PATL2: variants seen among roughly 807,000 people sequenced by gnomAD.
The protein encoded by PATL2 is protein PAT1 homolog 2.
PATL2 carries 73 observed loss-of-function variants against 77.0 expected under a neutral mutation model. That is an observed-to-expected ratio of 0.95 (90% CI 0.78 to 1.15). The LOEUF is 1.15. PATL2 is among the 50% of genes most tolerant of loss of function. The pLI is 0.00. For missense variants in PATL2, 618 were observed against 655.4 expected, an observed-to-expected ratio of 0.94 and a Z score of 0.62; for synonymous variants, 265 against 257.1, an observed-to-expected ratio of 1.03 and a Z score of -0.29.
At position 44,667,105 on chromosome 15, in the gene PATL2, C is replaced by T; in HGVS notation, c.1463+1G>A. The stretch of plus-strand genomic sequence containing the variant: ...TATTTACAAGGCCTTTATGATCTTA[C>T]CAAGCTGTATGGTCACTGTTGGGTT... On this transcript the variant is annotated splice_donor_variant, in intron 16 of 17. Transcript: ENST00000682850. LOFTEE classifies it high-confidence loss of function. The T allele has an allele frequency of 6.5e-7, 1 of 1,549,890 alleles. No homozygotes were observed. The highest frequency in any genetic ancestry group is 8.7e-7 in the Non-Finnish European group (1 of 1,145,384).
At position 44,711,223 on chromosome 15, in the gene PATL2, G is replaced by A. The variant is rs1202530820; in HGVS notation, c.-457C>T. The A allele has an allele frequency of 7.7e-6, 4 of 522,786 alleles. No homozygotes were observed. Among genetic ancestry groups the A allele is most frequent in the Non-Finnish European group, 1.4e-5 (4 of 287,484 alleles). The allele number at this position is 522,786 out of a possible 1,614,324, so 32.4% of individuals were successfully genotyped here. Reference sequence around the variant, plus strand: ...TGGGGCCAGTCTGCAAAGCGAGGGGGCAGCCTTAATGTGCCTCCAGCCTGA... The same window carrying A: ...TGGGGCCAGTCTGCAAAGCGAGGGGACAGCCTTAATGTGCCTCCAGCCTGA... On this transcript the variant is annotated 5_prime_UTR_variant, in exon 1 of 18. Transcript: ENST00000682850.
intron 4 of PATL2, 149 bp from the exon 5 acceptor site, chr15:44,675,840 C>T (rs1224171471): frequency 1.5e-6 from 1 of 673,562 alleles, no homozygotes; most frequent in Non-Finnish European, 2.4e-6. Context: ...GTGGGTTTAA[C>T]TCGGCCTCCC....
rs1595965173 is a variant in PATL2, at chr15:44,673,086, G to A, written c.446+149C>T. The A allele has an allele frequency of 5.5e-6, 6 of 1,095,950 alleles. No homozygotes were observed. In the East Asian group the frequency reaches 1.6e-4, roughly 29 times the overall value. 67.9% of individuals were successfully genotyped at this position (1,095,950 alleles called of 1,614,324 possible). On this transcript the variant is annotated intron_variant, in intron 7 of 17. Coordinates refer to ENST00000682850, the MANE Select transcript of PATL2 (RefSeq NM_001387263.1). ...TAAATAAATTTTTAATCTCCCTGGG[G>A]CTAATTTGTGAGGGAGACGGAATTA...
intron 3 of PATL2, among the ~76,000 whole-genome samples, chr15:44,677,297 G>A (rs190158172): frequency 6.6e-6 from 1 of 152,132 alleles, no homozygotes; most frequent in Non-Finnish European, 1.5e-5. Context: ...TCAGGGCAGC[G>A]TACTTGAAGC....
chr15:44,685,779 T>A (rs2086238934), intron 3 of PATL2, among the ~76,000 whole-genome samples: 1 of 151,982 alleles, frequency 6.6e-6, no homozygotes, highest in South Asian at 2.1e-4. Flanking sequence ...TAAAACAGAC[T>A]TTAAACCAAC....
chr15:44,710,806 ACT>A (rs2086843423), intron 2 of PATL2, among the ~76,000 whole-genome samples, 63 bp downstream of exon 2: 1 of 152,078 alleles, frequency 6.6e-6, no homozygotes, highest in Non-Finnish European at 1.5e-5. Flanking sequence ...TACTGCTTTT[ACT>A]ATTAGTGGTC....
intron 3 of PATL2, among the ~76,000 whole-genome samples, chr15:44,708,981 C>T (rs541279083): frequency 1.3e-5 from 2 of 152,182 alleles, no homozygotes; most frequent in Admixed American, 6.5e-5. Flanking sequence ...TCATTGCAAC[C>T]TCTGCCTCCC....
chr15:44,665,739 A>G lies in PATL2; in HGVS notation c.*214T>C. ...CAAGCAAGTTCCAACACATCATTCT[A>G]TTATCTCTTTAATTATACCTTATTA... On this transcript the variant is annotated 3_prime_UTR_variant, in exon 18 of 18. Coordinates refer to ENST00000682850, the MANE Select transcript of PATL2 (RefSeq NM_001387263.1). The G allele has an allele frequency of 1.5e-6, 2 of 1,377,186 alleles. No homozygotes were observed. Among genetic ancestry groups the G allele is most frequent in the Non-Finnish European group, 1.9e-6 (2 of 1,043,584 alleles). The allele number at this position is 1,377,186 out of a possible 1,614,324, so 85.3% of individuals were successfully genotyped here.
At position 44,693,026 on chromosome 15, in the gene PATL2, C is replaced by T. The variant is rs898155653; in HGVS notation, c.-75-16461G>A. ...TCCTCAGCTATGGAGCTGATGATAACCTGCCTCCAACATGAGTGTGCTCAG... is the reference window on the plus strand; with the variant it reads ...TCCTCAGCTATGGAGCTGATGATAATCTGCCTCCAACATGAGTGTGCTCAG... On this transcript the variant is annotated intron_variant, in intron 3 of 17. Transcript: ENST00000682850. Among the ~76,000 whole-genome samples the T allele has an allele frequency of 9.8e-5, 15 of 152,322 alleles. 1 individual carries two copies. The highest frequency in any genetic ancestry group is 7.8e-4 in the Admixed American group (12 of 15,302).
intron 3 of PATL2, among the ~76,000 whole-genome samples, chr15:44,693,659 T>C (rs1319783958): frequency 6.6e-6 from 1 of 152,214 alleles, no homozygotes; most frequent in East Asian, 1.9e-4. Context: ...CCACAAGGCA[T>C]GATATAGAGA....
chr15:44,676,619 G>T (rs898180056), intron 3 of PATL2, 54 bp from the exon 4 acceptor site: 2 of 1,451,490 alleles, frequency 1.4e-6, no homozygotes. Context: ...AGGATGACAT[G>T]GCACCCTAAA....
chr15:44,669,261 G>T lies in PATL2; in HGVS notation c.1064+19C>A, dbSNP rs2085540944. On this transcript the variant is annotated intron_variant, in intron 13 of 17. Coordinates refer to ENST00000682850, the MANE Select transcript of PATL2 (RefSeq NM_001387263.1). Reference sequence around the variant, plus strand: ...GCTCCTTCCCTTCCTGGGCTGAGGTGGAACCCTCCCACACTCACTCCAGGT... The same window carrying T: ...GCTCCTTCCCTTCCTGGGCTGAGGTTGAACCCTCCCACACTCACTCCAGGT... The T allele has an allele frequency of 1.3e-6, 2 of 1,540,592 alleles. No homozygotes were observed. The highest frequency in any genetic ancestry group is 2.7e-5 in the African/African-American group (2 of 72,786).
At chr15:44,687,017 C>A (rs1302412970) in intron 3 of PATL2, among the ~76,000 whole-genome samples, 2 of 152,126 alleles carry the variant, frequency 1.3e-5, no homozygotes, top group African/African-American at 4.8e-5. Flanking sequence ...CTATTCCAAA[C>A]AATAGAAAAA....
chr15:44,687,474 G>A (rs970671825), intron 3 of PATL2, among the ~76,000 whole-genome samples: 26 of 152,284 alleles, frequency 1.7e-4, no homozygotes, highest in Admixed American at 1.6e-3. Context: ...AAAACTGGAA[G>A]CATTCCCTTT....
chr15:44,685,194 G>A (rs926110620), intron 3 of PATL2, among the ~76,000 whole-genome samples: 1 of 152,078 alleles, frequency 6.6e-6, no homozygotes, highest in Admixed American at 6.6e-5. Flanking sequence ...GTCAACTAAC[G>A]GGCAAAATAA....
At chr15:44,709,829 A>C (rs1355830705) in intron 3 of PATL2, among the ~76,000 whole-genome samples, 1 of 152,190 alleles carries the variant, frequency 6.6e-6, no homozygotes, top group South Asian at 2.1e-4. Flanking sequence ...GTGATGTAGT[A>C]AACAAGAAAC....
chr15:44,676,166 G>A (rs1379773362), intron 4 of PATL2: 5 of 425,870 alleles, frequency 1.2e-5, no homozygotes, highest in Non-Finnish European at 2.2e-5. Context: ...TTGCCTCTTT[G>A]AACAAGTTCC....
At chr15:44,690,943 G>A (rs1272181417) in intron 3 of PATL2, among the ~76,000 whole-genome samples, 1 of 151,976 alleles carries the variant, frequency 6.6e-6, no homozygotes, top group Non-Finnish European at 1.5e-5. Context: ...AACACAGAAT[G>A]TCTGTGTCCT....
At chr15:44,672,530 A>C in intron 7 of PATL2, 74 bp from the exon 8 acceptor site, 5 of 1,420,654 alleles carry the variant, frequency 3.5e-6, no homozygotes, top group Non-Finnish European at 4.8e-6. Flanking sequence ...CATTCAGCCC[A>C]GGTCAGCTCT....
Sources: allele counts gnomAD v4.1 joint callset (sites outside exome capture counted in the v4.1 genomes callset), GRCh38; gene constraint gnomAD v4.1.1; transcripts MANE v1.5; gene names NCBI Gene and HGNC (gene_info 2026-07-23, HGNC 2026-07-21).